The following HS6ST3 variants were observed in gnomAD, a reference collection of about 807,000 sequenced individuals.
The protein encoded by HS6ST3 is heparan sulfate 6-O-sulfotransferase 3.
In HS6ST3, 12 loss-of-function variants were observed where a neutral mutation model predicts 36.7. The observed-to-expected ratio is 0.33, with a 90% CI of 0.21 to 0.53. HS6ST3 has a LOEUF of 0.53. Ranked by LOEUF, HS6ST3 falls within the 20% of genes least tolerant of loss-of-function variation. The probability of loss-of-function intolerance (pLI) is 0.95; values close to 1 mark genes in which losing one functional copy is unlikely to be tolerated. For missense variants in HS6ST3, 584 were observed against 640.9 expected (o/e 0.91, Z 0.96); for synonymous variants, 240 against 257.5 (o/e 0.93, Z 0.65).
chr13:96,609,880 C>A (rs1044402769), intron 1 of HS6ST3, among the ~76,000 whole-genome samples: 11 of 152,252 alleles, frequency 7.2e-5, no homozygotes, highest in African/African-American at 2.4e-4. Context: ...GGCAATATAG[C>A]CTTCTCCTTA....
At chr13:96,105,066 G>GAA (rs35882347) in intron 1 of HS6ST3, among the ~76,000 whole-genome samples, 47,892 of 137,030 alleles carry the variant, frequency 0.35, 9,431 homozygotes, top group East Asian at 0.49. Flanking sequence ...CATAAAGATG[G>GAA]AAAAAAAAAA....
At chr13:96,296,435 TAATGTTTTTTA>T (rs1013419130) in intron 1 of HS6ST3, among the ~76,000 whole-genome samples, 1 of 152,112 alleles carries the variant, frequency 6.6e-6, no homozygotes, top group Admixed American at 6.6e-5. Flanking sequence ...TTGGCATAGC[TAATGTTTTTTA>T]AATACCTGGG....
At chr13:96,384,239 T>TTTATTTTATTTTA (rs1201131220) in intron 1 of HS6ST3, among the ~76,000 whole-genome samples, 1 of 151,964 alleles carries the variant, frequency 6.6e-6, no homozygotes, top group Non-Finnish European at 1.5e-5. Context: ...TAAAATCACA[T>TTTATTTTATTTTA]TTATTTTATT....
chr13:96,755,610 G>T lies in HS6ST3; in HGVS notation c.708-76880G>T, dbSNP rs548418888. ...GAACTCCTGACCTTGTGATCCACCT[G>T]CTTTGGCCTCCCAAAGTGCTGGGAT... On this transcript the variant is annotated intron_variant, in intron 1 of 1. Coordinates refer to ENST00000376705, the MANE Select transcript of HS6ST3 (RefSeq NM_153456.4). Among the ~76,000 whole-genome samples, 394 of 152,222 alleles carry T rather than the reference G, an allele frequency of 2.6e-3. 1 individual carries two copies. Among genetic ancestry groups the T allele is most frequent in the African/African-American group, 8.8e-3 (366 of 41,528 alleles).
chr13:96,382,580 A>G lies in HS6ST3; in HGVS notation c.707+291011A>G, dbSNP rs538764334. Among the ~76,000 whole-genome samples the G allele has an allele frequency of 7.9e-5, 12 of 152,352 alleles. No individual in the cohort carries two copies. The East Asian group carries it at 1.9e-3, about 24-fold the overall frequency. ...TCAAGAATTATGTGTCAACATAGAA[A>G]ATTAATGAGTTTCAGTAAGTTTTGC... On this transcript the variant is annotated intron_variant, in intron 1 of 1. Coordinates refer to ENST00000376705, the MANE Select transcript of HS6ST3 (RefSeq NM_153456.4).
chr13:96,183,923 C>T (rs921817527), intron 1 of HS6ST3, among the ~76,000 whole-genome samples: 1 of 152,008 alleles, frequency 6.6e-6, no homozygotes, highest in African/African-American at 2.4e-5. Flanking sequence ...TTAAGATGGG[C>T]CAGGCATGGT....
At chr13:96,585,174 A>G (rs1392546258) in intron 1 of HS6ST3, among the ~76,000 whole-genome samples, 1 of 152,160 alleles carries the variant, frequency 6.6e-6, no homozygotes, top group Non-Finnish European at 1.5e-5. Context: ...TATAATTGCT[A>G]TTAATAATAA....
chr13:96,436,575 A>G (rs112370207), intron 1 of HS6ST3, among the ~76,000 whole-genome samples: 320 of 152,296 alleles, frequency 2.1e-3, no homozygotes, highest in Non-Finnish European at 3.3e-3. Flanking sequence ...TGAAGATGCA[A>G]TTAAATTAGA....
At position 96,780,558 on chromosome 13, in the gene HS6ST3, T is replaced by C. The variant is rs143621895; in HGVS notation, c.708-51932T>C. ...TTGAGAATTGAGTGAATGCTAGAGA[T>C]CCACTCTCCAGACAACTGCAAAGAC... On this transcript the variant is annotated intron_variant, in intron 1 of 1. Transcript: ENST00000376705. 7.0e-4 allele frequency among the ~76,000 whole-genome samples: 107 copies of C among 152,204 alleles called. 2 individuals are homozygous for C. The highest frequency in any genetic ancestry group is 2.5e-3 in the African/African-American group (102 of 41,544).
intron 1 of HS6ST3, among the ~76,000 whole-genome samples, chr13:96,324,390 G>C (rs1426981180): frequency 2.6e-5 from 4 of 152,106 alleles, no homozygotes; most frequent in Non-Finnish European, 4.4e-5. Flanking sequence ...AATGAAGGAA[G>C]TGATATGGTG....
chr13:96,111,498 T>C (rs2053868080), intron 1 of HS6ST3, among the ~76,000 whole-genome samples: 1 of 152,130 alleles, frequency 6.6e-6, no homozygotes, highest in South Asian at 2.1e-4. Context: ...CTAAGGCAAA[T>C]AAATAAAACA....
intron 1 of HS6ST3, among the ~76,000 whole-genome samples, chr13:96,357,323 G>T (rs2055215056): frequency 1.3e-5 from 2 of 152,142 alleles, no homozygotes; most frequent in Admixed American, 1.3e-4. Flanking sequence ...CTAGCTTTCT[G>T]CCTATCTCAG....
intron 1 of HS6ST3, among the ~76,000 whole-genome samples, chr13:96,543,320 T>C (rs777025190): frequency 1.3e-5 from 2 of 152,316 alleles, no homozygotes; most frequent in Non-Finnish European, 2.9e-5. Context: ...TCTGCTCATC[T>C]GGTTGTCATC....
At chr13:96,217,935 G>A (rs929838966) in intron 1 of HS6ST3, among the ~76,000 whole-genome samples, 1 of 152,114 alleles carries the variant, frequency 6.6e-6, no homozygotes, top group African/African-American at 2.4e-5. Context: ...ATTTACTGCT[G>A]TATTTCTAGC....
In HS6ST3 at chr13:96,837,702, C is replaced by G. The variant is rs1392023900; in HGVS notation, c.*4504C>G. The G allele has an allele frequency of 6.6e-6, 1 of 152,074 alleles. No homozygotes were observed. The highest frequency in any genetic ancestry group is 1.5e-5 in the Non-Finnish European group (1 of 68,016). 9.4% of individuals were successfully genotyped at this position (152,074 alleles called of 1,614,324 possible). On this transcript the variant is annotated 3_prime_UTR_variant, in exon 2 of 2. Transcript: ENST00000376705. ...GAGATGGGCGGTGCTGCAGGGGAGA[C>G]CAAAACTCAGAGGAGGCATTCAAAC...
In HS6ST3 at chr13:96,649,007, C is replaced by T. The variant is rs1055171381; in HGVS notation, c.708-183483C>T. On this transcript the variant is annotated intron_variant, in intron 1 of 1. Transcript: ENST00000376705. Reference sequence around the variant, plus strand: ...CTCTGCAGACCCCTATATTTGATCTCTTATTTAATATTGACACTTGGACAT... The same window carrying T: ...CTCTGCAGACCCCTATATTTGATCTTTTATTTAATATTGACACTTGGACAT... 1.1e-4 allele frequency among the ~76,000 whole-genome samples: 17 copies of T among 152,086 alleles called. No individual in the cohort carries two copies. In the East Asian group the frequency reaches 3.3e-3, roughly 30 times the overall value.
At chr13:96,745,616 A>G (rs558670780) in intron 1 of HS6ST3, among the ~76,000 whole-genome samples, 14 of 152,234 alleles carry the variant, frequency 9.2e-5, no homozygotes, top group Non-Finnish European at 1.6e-4. Context: ...GAGGAAAAGG[A>G]TAAAACCAGA....
chr13:96,631,594 C>T (rs1434288205), intron 1 of HS6ST3, among the ~76,000 whole-genome samples: 1 of 152,170 alleles, frequency 6.6e-6, no homozygotes, highest in Non-Finnish European at 1.5e-5. Flanking sequence ...TGATTCTCAG[C>T]CCCAGTCTGT....
At chr13:96,489,825 A>G (rs2055935885) in intron 1 of HS6ST3, among the ~76,000 whole-genome samples, 1 of 152,144 alleles carries the variant, frequency 6.6e-6, no homozygotes, top group Non-Finnish European at 1.5e-5. Context: ...TAGGGGAAAG[A>G]GTATATTTAT....
Sources: gnomAD v4.1 joint callset for allele counts (sites outside exome capture counted in the v4.1 genomes callset) on GRCh38, gnomAD v4.1.1 for gene constraint, MANE v1.5 for transcripts, NCBI Gene and HGNC (gene_info 2026-07-23, HGNC 2026-07-21) for gene names.